The following ERI3 variants were observed in gnomAD, a reference collection of about 807,000 sequenced individuals.
The protein encoded by ERI3 is ERI1 exoribonuclease family member 3, also known as ERI1 exoribonuclease 3.
In ERI3, 18 loss-of-function variants were observed where a neutral mutation model predicts 44.4. That is an observed-to-expected ratio of 0.41 (90% confidence interval 0.28 to 0.60). The LOEUF (loss-of-function observed/expected upper bound fraction) is 0.60. Among genes scored for constraint, ERI3 ranks in the 20% least tolerant of loss-of-function variants. The probability of loss-of-function intolerance (pLI) is 0.36; values close to 1 mark genes in which losing one functional copy is unlikely to be tolerated. For missense variants in ERI3, 294 were observed against 435.5 expected, an observed-to-expected ratio of 0.68 and a Z score of 2.89; for synonymous variants, 183 against 164.8, an observed-to-expected ratio of 1.11 and a Z score of -0.84.
chr1:44,221,396 A>C lies in ERI3; in HGVS notation c.*162T>G. ...AAGGGCCAAGTGGCCAAGCCCTTGCAAGGGCACAAGCCCACGCCAAGGGCA... is the reference window on the plus strand; with the variant it reads ...AAGGGCCAAGTGGCCAAGCCCTTGCCAGGGCACAAGCCCACGCCAAGGGCA... On this transcript the variant is annotated 3_prime_UTR_variant, in exon 9 of 9. Transcript: ENST00000372257. The surrounding 1 kb of genome is among the most constrained non-coding windows in gnomAD (Gnocchi z 5.9). The C allele has an allele frequency of 1.6e-6, 1 of 621,668 alleles. No individual in the cohort carries two copies. The allele number at this position is 621,668 out of a possible 1,614,324, so 38.5% of individuals were successfully genotyped here. A position where few individuals can be genotyped will look rare whatever the true frequency, so the allele number is the denominator to read the frequency against.
intron 7 of ERI3, among the ~76,000 whole-genome samples, chr1:44,260,493 A>T (rs1396601665): frequency 3.9e-5 from 6 of 152,212 alleles, no homozygotes; most frequent in Admixed American, 3.3e-4. Context: ...GGTTACAAAG[A>T]TGAAGGTTGA....
chr1:44,229,888 G>C (rs1644136638), intron 8 of ERI3, among the ~76,000 whole-genome samples: 1 of 152,136 alleles, frequency 6.6e-6, no homozygotes, highest in Non-Finnish European at 1.5e-5. Flanking sequence ...GCAGTCCTGA[G>C]AAAGACCAGA....
chr1:44,250,110 C>T (rs769840104), intron 7 of ERI3, among the ~76,000 whole-genome samples: 1 of 152,240 alleles, frequency 6.6e-6, no homozygotes, highest in Non-Finnish European at 1.5e-5. Flanking sequence ...TGTCAAATCA[C>T]ACCCGAATTT....
At chr1:44,314,888 G>A (rs1402916123) in intron 4 of ERI3, among the ~76,000 whole-genome samples, 1 of 152,170 alleles carries the variant, frequency 6.6e-6, no homozygotes, top group Non-Finnish European at 1.5e-5. Flanking sequence ...AACTAGTACC[G>A]AGAGCCTCTA....
chr1:44,285,308 T>A (rs1022478068), intron 6 of ERI3, among the ~76,000 whole-genome samples: 2 of 152,314 alleles, frequency 1.3e-5, no homozygotes, highest in East Asian at 3.9e-4. Flanking sequence ...AGCTAAAACA[T>A]GATAGTGCCA....
chr1:44,221,517 C>G lies in ERI3; in HGVS notation c.*41G>C. ...GGGAGAGGAGGATTCTGGGCTGGGCCAAACAGCTACCCTGTCCTGCCCCAT... is the reference window on the plus strand; with the variant it reads ...GGGAGAGGAGGATTCTGGGCTGGGCGAAACAGCTACCCTGTCCTGCCCCAT... On this transcript the variant is annotated 3_prime_UTR_variant, in exon 9 of 9. Coordinates refer to ENST00000372257, the MANE Select transcript of ERI3 (RefSeq NM_024066.3). This position sits in a 1 kb window ranked among gnomAD's most constrained non-coding sequence, Gnocchi z 5.9. 2.6e-6 allele frequency: 4 copies of G among 1,557,940 alleles called. No homozygotes were observed. Among genetic ancestry groups the G allele is most frequent in the Non-Finnish European group, 3.5e-6 (4 of 1,129,424 alleles).
chr1:44,342,811 TA>T (rs1553201328), intron 2 of ERI3, among the ~76,000 whole-genome samples: 2 of 70,872 alleles, frequency 2.8e-5, no homozygotes, highest in Non-Finnish European at 5.3e-5. Context: ...CACATCCAGC[TA>T]ATATATATAT....
intron 7 of ERI3, among the ~76,000 whole-genome samples, chr1:44,268,765 CA>C (rs1053845631): frequency 6.6e-6 from 1 of 152,184 alleles, no homozygotes. Context: ...GCCAAGACAA[CA>C]AATAGAGGAT....
At chr1:44,317,583 A>T (rs1162843119) in intron 4 of ERI3, among the ~76,000 whole-genome samples, 3 of 151,994 alleles carry the variant, frequency 2.0e-5, no homozygotes, top group African/African-American at 7.3e-5. Context: ...TAATGATGGG[A>T]TGGAGATGGA....
chr1:44,330,470 G>C (rs1251006390), intron 3 of ERI3, among the ~76,000 whole-genome samples: 3 of 152,188 alleles, frequency 2.0e-5, no homozygotes, highest in Non-Finnish European at 4.4e-5. Flanking sequence ...CCAAATAAAA[G>C]CTGCCCTGAT....
chr1:44,225,566 C>A (rs1644018130), intron 8 of ERI3, among the ~76,000 whole-genome samples: 1 of 152,188 alleles, frequency 6.6e-6, no homozygotes, highest in African/African-American at 2.4e-5. Context: ...AGGAGTGCAG[C>A]TGCATAAATC....
intron 6 of ERI3, among the ~76,000 whole-genome samples, chr1:44,299,762 C>T (rs925564306): frequency 6.6e-6 from 1 of 152,138 alleles, no homozygotes; most frequent in Non-Finnish European, 1.5e-5. Context: ...TGGTGGGAAG[C>T]TGCATGGAAC....
chr1:44,269,414 C>G (rs1645048610), intron 7 of ERI3, among the ~76,000 whole-genome samples: 1 of 152,198 alleles, frequency 6.6e-6, no homozygotes, highest in Non-Finnish European at 1.5e-5. Context: ...CCTCTAGTGC[C>G]TAGAGTCAGA....
At chr1:44,266,596 C>T (rs998479863) in intron 7 of ERI3, among the ~76,000 whole-genome samples, 8 of 152,196 alleles carry the variant, frequency 5.3e-5, no homozygotes, top group African/African-American at 1.2e-4. Flanking sequence ...TGACCAGTGA[C>T]GGCTAGGATT....
intron 2 of ERI3, among the ~76,000 whole-genome samples, chr1:44,344,680 T>C (rs1373939857): frequency 2.0e-5 from 3 of 152,242 alleles, no homozygotes; most frequent in Admixed American, 6.5e-5. Context: ...ACTTTGAGTA[T>C]CTAAATGAGG....
intron 7 of ERI3, among the ~76,000 whole-genome samples, chr1:44,248,961 C>A (rs985998366): frequency 7.9e-5 from 12 of 152,062 alleles, no homozygotes; most frequent in Non-Finnish European, 1.6e-4. Flanking sequence ...AGGGGCAGCG[C>A]CTTCCCTTAC....
At chr1:44,335,082 G>A (rs1291511208) in intron 3 of ERI3, among the ~76,000 whole-genome samples, 2 of 152,176 alleles carry the variant, frequency 1.3e-5, no homozygotes, top group African/African-American at 4.8e-5. Flanking sequence ...GCTCACACCT[G>A]TAATCAGAGC....
chr1:44,262,958 C>T (rs1644923691), intron 7 of ERI3, among the ~76,000 whole-genome samples: 1 of 152,168 alleles, frequency 6.6e-6, no homozygotes, highest in African/African-American at 2.4e-5. Context: ...TCACTTCCAG[C>T]CACAGCTCTC....
chr1:44,230,008 C>T (rs370192522), intron 8 of ERI3, among the ~76,000 whole-genome samples: 151 of 152,242 alleles, frequency 9.9e-4, no homozygotes, highest in South Asian at 2.9e-3. Flanking sequence ...AGCACTCCTC[C>T]CCTTGAATCA....
Sources: gnomAD v4.1 joint callset for allele counts (sites outside exome capture counted in the v4.1 genomes callset) on GRCh38, gnomAD v4.1.1 for gene constraint, Gnocchi (gnomAD v3.1) non-coding constraint, MANE v1.5 for transcripts, NCBI Gene and HGNC (gene_info 2026-07-23, HGNC 2026-07-21) for gene names.